The following SLC7A8 variants were observed in gnomAD, a reference collection of about 807,000 sequenced individuals.
SLC7A8 encodes large neutral amino acids transporter small subunit 2.
A neutral mutation model predicts 51.2 loss-of-function variants in SLC7A8; 30 were observed. That is an observed-to-expected ratio of 0.59 (90% CI 0.44 to 0.80). SLC7A8 has a LOEUF of 0.80. Ranked by LOEUF, SLC7A8 falls within the 30% of genes least tolerant of loss-of-function variation. SLC7A8 has a pLI of 0.00. For missense variants in SLC7A8, 612 were observed against 674.4 expected (o/e 0.91, Z 1.03); for synonymous variants, 257 against 275.8 (o/e 0.93, Z 0.67).
chr14:23,125,893 G>A lies in SLC7A8; in HGVS notation c.*1284C>T, dbSNP rs892526290. On this transcript the variant is annotated 3_prime_UTR_variant, in exon 11 of 11. Transcript: ENST00000316902. The stretch of plus-strand genomic sequence containing the variant: ...TCAGAGGCTGCCAGCCACAGAGGAG[G>A]GCCTTTTTTGAGGATCTCCAGAGTG... The A allele has an allele frequency of 1.3e-5, 2 of 152,700 alleles. No individual in the cohort carries two copies. Among genetic ancestry groups the A allele is most frequent in the African/African-American group, 4.8e-5 (2 of 41,430 alleles). 9.5% of individuals were successfully genotyped at this position (152,700 alleles called of 1,614,324 possible). A position where few individuals can be genotyped will look rare whatever the true frequency, so the allele number is the denominator to read the frequency against.
Position 23,126,971 on chromosome 14 carries a change from C to CA in SLC7A8, c.*205dup. 1.6e-6 allele frequency: 1 copy of CA among 632,856 alleles called. No homozygotes were observed. The highest frequency in any genetic ancestry group is 2.7e-6 in the Non-Finnish European group (1 of 366,306). 39.2% of individuals were successfully genotyped at this position (632,856 alleles called of 1,614,324 possible). ...GGCAGCACTGGAGTGGGGCCTGGGA[C>CA]ATGGACCCTGGGGTGAGAGGCTGGT... On this transcript the variant is annotated 3_prime_UTR_variant, in exon 11 of 11. Transcript: ENST00000316902.
chr14:23,170,767 C>G (rs560849995), intron 1 of SLC7A8, among the ~76,000 whole-genome samples: 1 of 152,228 alleles, frequency 6.6e-6, no homozygotes, highest in South Asian at 2.1e-4. Context: ...ACTCTTTCAC[C>G]CAAGCTGGAG....
At position 23,165,339 on chromosome 14, in the gene SLC7A8, G is replaced by T; in HGVS notation, c.454C>A (p.Pro152Thr). The change falls in exon 3 of 11, where the codon CCC (proline) becomes ACC (threonine). Residue 152 changes from proline (P) to threonine (T), a missense_variant. By Grantham distance (38) the Pro-to-Thr change is conservative. Transcript: ENST00000316902. The surrounding 1 kb of genome is among the most constrained non-coding windows in gnomAD (Gnocchi z 4.2). The stretch of plus-strand genomic sequence containing the variant: ...CCAGACTCTGGGGGGAAGCAGGTGG[G>T]GAAGAGCGGCTGCAGCACGTAGTTG... ...FSNYVLQPLF[P>T]TCFPPESGLR... 6.2e-7 allele frequency: 1 copy of T among 1,606,194 alleles called. No individual in the cohort carries two copies. Among genetic ancestry groups the T allele is most frequent in the Non-Finnish European group, 8.5e-7 (1 of 1,177,064 alleles).
chr14:23,161,242 C>T (rs2048920233), intron 3 of SLC7A8, among the ~76,000 whole-genome samples: 1 of 151,990 alleles, frequency 6.6e-6, no homozygotes, highest in Non-Finnish European at 1.5e-5. Context: ...CAAAACAGCC[C>T]CACCATGGAA....
Position 23,165,520 on chromosome 14 carries a change from C to T in SLC7A8, c.357-84G>A. 7.1e-7 allele frequency: 1 copy of T among 1,415,898 alleles called. No homozygotes were observed. Among genetic ancestry groups the T allele is most frequent in the Non-Finnish European group, 9.4e-7 (1 of 1,063,714 alleles). 87.7% of individuals were successfully genotyped at this position (1,415,898 alleles called of 1,614,324 possible). On this transcript the variant is annotated intron_variant, in intron 2 of 10. Coordinates refer to ENST00000316902, the MANE Select transcript of SLC7A8 (RefSeq NM_012244.4). The surrounding 1 kb of genome is among the most constrained non-coding windows in gnomAD (Gnocchi z 4.2). Reference sequence around the variant, plus strand: ...GAGAGCCCGGGCAAGTCATGCATCTCTTTTTTATTTTCAAGGATGCTGAAG... The same window carrying T: ...GAGAGCCCGGGCAAGTCATGCATCTTTTTTTTATTTTCAAGGATGCTGAAG...
Position 23,127,867 on chromosome 14 carries a change from G to T in SLC7A8, c.1441+152C>A, listed in dbSNP as rs2048592727. 5 of 681,466 alleles carry T rather than the reference G, an allele frequency of 7.3e-6. No individual in the cohort carries two copies. In the Admixed American group the frequency reaches 1.2e-4, roughly 16 times the overall value. 42.2% of individuals were successfully genotyped at this position (681,466 alleles called of 1,614,324 possible). On this transcript the variant is annotated intron_variant, in intron 10 of 10. Coordinates refer to ENST00000316902, the MANE Select transcript of SLC7A8 (RefSeq NM_012244.4). ...CAGAGGTCTCTGGGAAAAGGCATCTGCTTCCCCTGCTCTGGACTCTTCCAG... is the reference window on the plus strand; with the variant it reads ...CAGAGGTCTCTGGGAAAAGGCATCTTCTTCCCCTGCTCTGGACTCTTCCAG...
rs962537639 is a variant in SLC7A8, at chr14:23,143,023, G to A, written c.634+56C>T. On this transcript the variant is annotated intron_variant, in intron 4 of 10. Coordinates refer to ENST00000316902, the MANE Select transcript of SLC7A8 (RefSeq NM_012244.4). ...ACTTCCAAAGCTGGGCTGAGAGGGTGTGTACATGCAAGGGGAGGAAAGCTG... is the reference window on the plus strand; with the variant it reads ...ACTTCCAAAGCTGGGCTGAGAGGGTATGTACATGCAAGGGGAGGAAAGCTG... 8 of 1,599,966 alleles carry A rather than the reference G, an allele frequency of 5.0e-6. No individual in the cohort carries two copies. The Admixed American group carries it at 8.4e-5, about 17-fold the overall frequency.
At chr14:23,155,305 G>A (rs1309803027) in intron 3 of SLC7A8, 11 of 1,535,712 alleles carry the variant, frequency 7.2e-6, no homozygotes, top group Non-Finnish European at 8.7e-6. Context: ...GCTCCTGGAG[G>A]CACACAGCTT....
intron 8 of SLC7A8, 110 bp from the exon 9 acceptor site, chr14:23,129,909 G>T (rs1324828336): frequency 1.2e-5 from 15 of 1,237,704 alleles, no homozygotes; most frequent in Non-Finnish European, 1.7e-5. Context: ...TCGTATAATG[G>T]ATGTCTCGAA....
In SLC7A8 at chr14:23,128,150, A is replaced by G; in HGVS notation, c.1310T>C (p.Leu437Pro). Reference sequence around the variant, plus strand: ...CTCTGACCACAGGCTGAAGACCAGCAGGAAGGCCCAGAACAGCAAGTAGAT... The same window carrying G: ...CTCTGACCACAGGCTGAAGACCAGCGGGAAGGCCCAGAACAGCAAGTAGAT... ...PIIYLLFWAFLLVFSLWSEPV... is the reference protein window; with the variant it reads ...PIIYLLFWAFPLVFSLWSEPV... The change falls in exon 10 of 11, where the codon CTG (leucine) becomes CCG (proline). Residue 437 changes from leucine (L) to proline (P), a missense_variant. By Grantham distance (98) the Leu-to-Pro change is moderately conservative. Transcript: ENST00000316902. The surrounding 1 kb of genome is among the most constrained non-coding windows in gnomAD (Gnocchi z 4.3). 1 of 1,614,224 alleles carries G rather than the reference A, an allele frequency of 6.2e-7. No homozygotes were observed. Among genetic ancestry groups the G allele is most frequent in the Non-Finnish European group, 8.5e-7 (1 of 1,180,032 alleles).
At chr14:23,163,608 C>T (rs1302933004) in intron 3 of SLC7A8, among the ~76,000 whole-genome samples, 1 of 152,030 alleles carries the variant, frequency 6.6e-6, no homozygotes, top group Non-Finnish European at 1.5e-5. Flanking sequence ...CTCTTCCTCC[C>T]CCATCCCGTA....
In SLC7A8 at chr14:23,180,984, G is replaced by A. The variant is rs192412242; in HGVS notation, c.151+1780C>T. 6.9e-3 allele frequency among the ~76,000 whole-genome samples: 1,051 copies of A among 152,116 alleles called. 9 individuals are homozygous for A. Among genetic ancestry groups the A allele is most frequent in the African/African-American group, 0.023 (969 of 41,490 alleles). On this transcript the variant is annotated intron_variant, in intron 1 of 10. Coordinates refer to ENST00000316902, the MANE Select transcript of SLC7A8 (RefSeq NM_012244.4). The stretch of plus-strand genomic sequence containing the variant: ...GGAGCTTGCAGTGAGCCGAGATCGC[G>A]CCACTGCACTCCAGCCTGGGCCACA...
Position 23,129,641 on chromosome 14 carries a change from T to G in SLC7A8, c.1263+9A>C, listed in dbSNP as rs770245786. ...AAGGGGAGGGGACCCCAAAGGGAGT[T>G]TCTCTCACCTTGATGGGGCGGGGGA... On this transcript the variant is annotated intron_variant, in intron 9 of 10. Coordinates refer to ENST00000316902, the MANE Select transcript of SLC7A8 (RefSeq NM_012244.4). 10 of 1,613,264 alleles carry G rather than the reference T, an allele frequency of 6.2e-6. No individual in the cohort carries two copies. The highest frequency in any genetic ancestry group is 8.5e-6 in the Non-Finnish European group (10 of 1,179,712).
chr14:23,166,714 G>A (rs925172052), intron 1 of SLC7A8, among the ~76,000 whole-genome samples, 174 bp from the exon 2 acceptor site: 10 of 152,226 alleles, frequency 6.6e-5, no homozygotes, highest in African/African-American at 1.9e-4. Context: ...AGGGGAAAGA[G>A]GAGCAGAGAA....
Position 23,140,602 on chromosome 14 carries a change from T to C in SLC7A8, c.657A>G (p.Pro219=). Residue 219 remains proline (P), a synonymous_variant, in exon 5 of 11, where the codon CCA becomes CCG. Transcript: ENST00000316902. ...ICKGEYFWLE[P]KNAFENFQEP... is the part of the protein sequence containing the mutation. Reference sequence around the variant, plus strand: ...CCTGGAAATTCTCAAATGCATTCTTTGGCTCCAGCCAGAAGTACTCTCCTG... The same window carrying C: ...CCTGGAAATTCTCAAATGCATTCTTCGGCTCCAGCCAGAAGTACTCTCCTG... 1.2e-6 allele frequency: 2 copies of C among 1,614,012 alleles called. No homozygotes were observed. The highest frequency in any genetic ancestry group is 8.5e-7 in the Non-Finnish European group (1 of 1,179,908).
intron 3 of SLC7A8, chr14:23,155,077 G>T: frequency 8.5e-7 from 1 of 1,177,574 alleles, no homozygotes; most frequent in Non-Finnish European, 1.2e-6. Context: ...AAAGTGCACA[G>T]TGGGGAGTGT....
At position 23,161,925 on chromosome 14, in the gene SLC7A8, T is replaced by TCAAAAAAAAAAAA. The variant is rs57814296; in HGVS notation, c.508+3359_508+3360insTTTTTTTTTTTTG. 7.5e-5 allele frequency among the ~76,000 whole-genome samples: 8 copies of TCAAAAAAAAAAAA among 107,186 alleles called. 3 individuals are homozygous for TCAAAAAAAAAAAA. The highest frequency in any genetic ancestry group is 9.2e-5 in the Non-Finnish European group (5 of 54,514). 70.3% of individuals were successfully genotyped at this position (107,186 alleles called of 152,430 possible). ...CTGGGTGACAGAGTGAGACTCCATC[T>TCAAAAAAAAAAAA]AAAAAAAAAAAAAAAAAAAGCATCT... On this transcript the variant is annotated intron_variant, in intron 3 of 10. Coordinates refer to ENST00000316902, the MANE Select transcript of SLC7A8 (RefSeq NM_012244.4).
intron 1 of SLC7A8, among the ~76,000 whole-genome samples, chr14:23,179,718 A>G (rs1438885317): frequency 6.6e-6 from 1 of 152,112 alleles, no homozygotes; most frequent in Non-Finnish European, 1.5e-5. Flanking sequence ...CTGAGGTGGA[A>G]GGATCGCTTG....
At chr14:23,162,988 CAGCAGTAGCT>C (rs1445673422) in intron 3 of SLC7A8, among the ~76,000 whole-genome samples, 1 of 152,188 alleles carries the variant, frequency 6.6e-6, no homozygotes, top group Non-Finnish European at 1.5e-5. Context: ...AACACCAAAA[CAGCAGTAGCT>C]AGCACTTCTG....
Sources: allele counts gnomAD v4.1 joint callset (sites outside exome capture counted in the v4.1 genomes callset), GRCh38; gene constraint gnomAD v4.1.1; non-coding constraint Gnocchi (gnomAD v3.1); transcripts MANE v1.5; gene names NCBI Gene and HGNC (gene_info 2026-07-23, HGNC 2026-07-21).